The following NDC1 variants were observed in gnomAD, a reference collection of about 807,000 sequenced individuals.
NDC1 encodes NDC1 transmembrane nucleoporin.
In NDC1, 24 loss-of-function variants were observed where a neutral mutation model predicts 89.8. That is an observed-to-expected ratio of 0.27 (90% CI 0.19 to 0.38). The LOEUF (loss-of-function observed/expected upper bound fraction) is 0.38, where lower values mean the gene tolerates loss of function less well. Among genes scored for constraint, NDC1 ranks in the 10% least tolerant of loss-of-function variants. The probability of loss-of-function intolerance (pLI) is 1.00; values close to 1 mark genes in which losing one functional copy is unlikely to be tolerated. For missense variants in NDC1, 728 were observed against 797.6 expected (o/e 0.91, Z 1.05); for synonymous variants, 296 against 284.8 (o/e 1.04, Z -0.39).
rs572266372 is a variant in NDC1 at position 53,807,878 on chromosome 1, T to C, written c.756-87A>G. Reference sequence around the variant, plus strand: ...TTAAGTCTCCACATTGAGACACAAATATTATGTCTAAATAACAATGTTGAC... The same window carrying C: ...TTAAGTCTCCACATTGAGACACAAACATTATGTCTAAATAACAATGTTGAC... On this transcript the variant is annotated intron_variant, in intron 7 of 17. Coordinates refer to ENST00000371429, the MANE Select transcript of NDC1 (RefSeq NM_018087.5). The C allele has an allele frequency of 1.1e-4, 126 of 1,188,036 alleles. 3 individuals carry two copies. In the South Asian group the frequency reaches 1.8e-3, roughly 17 times the overall value. 73.6% of individuals were successfully genotyped at this position (1,188,036 alleles called of 1,614,324 possible).
At chr1:53,830,787 G>A (rs527291676) in intron 3 of NDC1, among the ~76,000 whole-genome samples, 27 of 151,544 alleles carry the variant, frequency 1.8e-4, no homozygotes, top group South Asian at 1.5e-3. Flanking sequence ...GCTTGAAACC[G>A]GGAGGCAGAG....
intron 3 of NDC1, among the ~76,000 whole-genome samples, chr1:53,831,369 T>A (rs957217527): frequency 7.0e-6 from 1 of 143,092 alleles, no homozygotes; most frequent in African/African-American, 2.9e-5. Context: ...TTTAAAAAAT[T>A]TTTTTTAAGT....
At chr1:53,829,101 T>C (rs1648969491) in intron 3 of NDC1, among the ~76,000 whole-genome samples, 1 of 152,178 alleles carries the variant, frequency 6.6e-6, no homozygotes, top group African/African-American at 2.4e-5. Flanking sequence ...GAGGCAACTA[T>C]GGGTAGGACA....
At chr1:53,793,172 A>C in intron 14 of NDC1, 57 bp downstream of exon 14, 21 of 1,360,720 alleles carry the variant, frequency 1.5e-5, no homozygotes, top group Non-Finnish European at 2.2e-5. Context: ...CTGCTACTTT[A>C]TTTCATATTT....
chr1:53,802,178 T>C (rs1647944052), intron 10 of NDC1, among the ~76,000 whole-genome samples: 2 of 152,150 alleles, frequency 1.3e-5, no homozygotes, highest in South Asian at 4.1e-4. Flanking sequence ...TAGAAAAGCA[T>C]TGTTATAGTT....
At chr1:53,829,278 A>G (rs1648975694) in intron 3 of NDC1, among the ~76,000 whole-genome samples, 1 of 151,966 alleles carries the variant, frequency 6.6e-6, no homozygotes, top group Non-Finnish European at 1.5e-5. Context: ...GGTTCCTATG[A>G]CCTCTCCCTC....
At chr1:53,791,489 T>C (rs1647502412) in intron 14 of NDC1, among the ~76,000 whole-genome samples, 1 of 151,664 alleles carries the variant, frequency 6.6e-6, no homozygotes, top group Non-Finnish European at 1.5e-5. Flanking sequence ...TTGCTGTAAA[T>C]GACACAATTT....
Position 53,767,882 on chromosome 1 carries a change from G to A in NDC1, c.*88C>T, listed in dbSNP as rs1003999734. The stretch of plus-strand genomic sequence containing the variant: ...GACAAAGGAAGCATCTAATTAGTCC[G>A]TTTTCTTCTGATCCAAGAATGCTGA... On this transcript the variant is annotated 3_prime_UTR_variant, in exon 18 of 18. Coordinates refer to ENST00000371429, the MANE Select transcript of NDC1 (RefSeq NM_018087.5). 3.2e-5 allele frequency: 25 copies of A among 773,470 alleles called. No homozygotes were observed. In the African/African-American group the frequency reaches 3.4e-4, roughly 10 times the overall value. 47.9% of individuals were successfully genotyped at this position (773,470 alleles called of 1,614,324 possible).
At chr1:53,783,379 T>TA (rs1647235196) in intron 16 of NDC1, among the ~76,000 whole-genome samples, 1 of 152,146 alleles carries the variant, frequency 6.6e-6, no homozygotes. Context: ...TAAGGGAAGA[T>TA]AGACATTATA....
At chr1:53,816,238 T>G (rs1030427514) in intron 6 of NDC1, among the ~76,000 whole-genome samples, 1 of 152,180 alleles carries the variant, frequency 6.6e-6, no homozygotes, top group Non-Finnish European at 1.5e-5. Context: ...GCGGTACTGG[T>G]GTGAAAATAC....
chr1:53,809,867 A>T, intron 6 of NDC1, 121 bp from the exon 7 acceptor site: 1 of 711,324 alleles, frequency 1.4e-6, no homozygotes, highest in Non-Finnish European at 2.5e-6. Context: ...TCAAAATGTT[A>T]GACTTATTAG....
intron 16 of NDC1, among the ~76,000 whole-genome samples, chr1:53,780,341 T>C (rs900523003): frequency 3.0e-4 from 46 of 152,340 alleles, no homozygotes; most frequent in African/African-American, 1.1e-3. Context: ...CCCAAAGTCC[T>C]GGGATTACAG....
chr1:53,822,038 C>A (rs1425852462), intron 5 of NDC1, among the ~76,000 whole-genome samples: 1 of 152,104 alleles, frequency 6.6e-6, no homozygotes, highest in Non-Finnish European at 1.5e-5. Context: ...TTTTTACACT[C>A]CTGGTAACTC....
Position 53,797,091 on chromosome 1 carries a change from G to A in NDC1, c.1276C>T (p.Pro426Ser), listed in dbSNP as rs1239065935. 1.2e-6 allele frequency: 2 copies of A among 1,614,080 alleles called. No individual in the cohort carries two copies. The highest frequency in any genetic ancestry group is 1.1e-5 in the South Asian group (1 of 91,078). ...KSSQMPRPSV[P>S]PLVKTSLFSS... ...AACAGTGATGTTTTAACTAATGGTG[G>A]CACTGAAGGCCGAGGCATCTGGCTA... Residue 426 changes from proline (P) to serine (S), a missense_variant, in exon 12 of 18, where the codon CCA (proline) becomes TCA (serine). Pro to Ser is a moderately conservative substitution (Grantham distance 74). Coordinates refer to ENST00000371429, the MANE Select transcript of NDC1 (RefSeq NM_018087.5).
chr1:53,779,397 G>A (rs972120168), intron 16 of NDC1, among the ~76,000 whole-genome samples: 6 of 151,866 alleles, frequency 4.0e-5, no homozygotes, highest in Admixed American at 3.9e-4. Context: ...TGAAATGAAG[G>A]TATATGTTCC....
chr1:53,796,845 G>C (rs369520026), intron 12 of NDC1, 41 bp from the exon 13 acceptor site: 3 of 1,607,198 alleles, frequency 1.9e-6, no homozygotes, highest in South Asian at 1.1e-5. Flanking sequence ...AACTTAGGCT[G>C]TCTGATCCTC....
intron 15 of NDC1, 120 bp downstream of exon 15, chr1:53,789,012 TA>T: frequency 1.5e-6 from 1 of 664,164 alleles, no homozygotes; most frequent in Non-Finnish European, 2.6e-6. Context: ...AACAAAGATA[TA>T]AAAACGAATC....
intron 16 of NDC1, among the ~76,000 whole-genome samples, chr1:53,774,701 C>T (rs1156804495): frequency 4.6e-5 from 7 of 152,030 alleles, no homozygotes; most frequent in Non-Finnish European, 7.4e-5. Flanking sequence ...CCAGCCTGGG[C>T]AACACAGAAA....
intron 6 of NDC1, among the ~76,000 whole-genome samples, chr1:53,810,729 A>AC (rs1481618024): frequency 6.6e-6 from 1 of 152,186 alleles, no homozygotes; most frequent in Non-Finnish European, 1.5e-5. Context: ...ACATAGCAAG[A>AC]CCCCATCTCT....
Sources: gnomAD v4.1 joint callset for allele counts (sites outside exome capture counted in the v4.1 genomes callset) on GRCh38, gnomAD v4.1.1 for gene constraint, MANE v1.5 for transcripts, NCBI Gene and HGNC (gene_info 2026-07-23, HGNC 2026-07-21) for gene names.